The following SPOCK1 variants were observed in gnomAD, a reference collection of about 807,000 sequenced individuals.
The protein encoded by SPOCK1 is testican-1.
A neutral mutation model predicts 55.3 loss-of-function variants in SPOCK1; 23 were observed. That is an observed-to-expected ratio of 0.42 (90% confidence interval 0.30 to 0.59). The LOEUF is 0.59. Ranked by LOEUF, SPOCK1 falls within the 20% of genes least tolerant of loss-of-function variation. The probability of loss-of-function intolerance (pLI) is 0.22; values close to 1 mark genes in which losing one functional copy is unlikely to be tolerated. For missense variants in SPOCK1, 499 were observed against 552.5 expected (o/e 0.90, Z 0.97); for synonymous variants, 226 against 221.0 (o/e 1.02, Z -0.20).
intron 2 of SPOCK1, among the ~76,000 whole-genome samples, chr5:137,412,957 C>G (rs1752240201): frequency 6.6e-6 from 1 of 151,424 alleles, no homozygotes; most frequent in Non-Finnish European, 1.5e-5. Context: ...ACAGAGAAAG[C>G]TGTCCCAAAT....
intron 2 of SPOCK1, among the ~76,000 whole-genome samples, chr5:137,281,576 C>A (rs1757166523): frequency 6.6e-6 from 1 of 152,230 alleles, no homozygotes; most frequent in Non-Finnish European, 1.5e-5. Flanking sequence ...AACACATAGC[C>A]CATGGCCCAT....
chr5:137,201,316 T>C (rs1755421536), intron 3 of SPOCK1, among the ~76,000 whole-genome samples: 1 of 152,214 alleles, frequency 6.6e-6, no homozygotes, highest in African/African-American at 2.4e-5. Flanking sequence ...ATGAATCCAC[T>C]ACAAAACTCT....
chr5:137,368,518 C>T (rs1003842238), intron 2 of SPOCK1, among the ~76,000 whole-genome samples: 1 of 152,184 alleles, frequency 6.6e-6, no homozygotes, highest in African/African-American at 2.4e-5. Flanking sequence ...TGCAAAGGCC[C>T]TGTGCAGCCC....
At chr5:137,204,794 C>T (rs542685014) in intron 3 of SPOCK1, among the ~76,000 whole-genome samples, 64 of 152,170 alleles carry the variant, frequency 4.2e-4, no homozygotes, top group Admixed American at 9.2e-4. Context: ...AATTGACCTC[C>T]ACTGACCCCT....
chr5:137,012,672 TG>T (rs1036550929), intron 6 of SPOCK1, among the ~76,000 whole-genome samples: 2 of 152,200 alleles, frequency 1.3e-5, no homozygotes, highest in African/African-American at 4.8e-5. Context: ...ATGTTTCTGA[TG>T]GTCCAAGAGC....
At chr5:137,388,715 G>A (rs893626213) in intron 2 of SPOCK1, among the ~76,000 whole-genome samples, 3 of 152,146 alleles carry the variant, frequency 2.0e-5, no homozygotes, top group Non-Finnish European at 4.4e-5. Context: ...ACATCACACC[G>A]AACTAGAAGC....
At chr5:137,408,002 C>A (rs1456546222) in intron 2 of SPOCK1, among the ~76,000 whole-genome samples, 1 of 152,028 alleles carries the variant, frequency 6.6e-6, no homozygotes, top group African/African-American at 2.4e-5. Context: ...GCAGCCCCTG[C>A]AACAGACCAA....
intron 5 of SPOCK1, among the ~76,000 whole-genome samples, chr5:137,103,163 G>A (rs901775752): frequency 6.6e-6 from 1 of 152,004 alleles, no homozygotes; most frequent in African/African-American, 2.4e-5. Flanking sequence ...GCTGACTTTT[G>A]TATTTTTAGT....
intron 6 of SPOCK1, among the ~76,000 whole-genome samples, chr5:137,061,527 A>G (rs868097346): frequency 7.9e-5 from 12 of 152,054 alleles, no homozygotes; most frequent in African/African-American, 1.9e-4. Context: ...TGTTGGAAAA[A>G]CTTGCAGTTC....
intron 3 of SPOCK1, among the ~76,000 whole-genome samples, chr5:137,159,845 C>T (rs921656541): frequency 3.3e-5 from 5 of 152,170 alleles, no homozygotes; most frequent in African/African-American, 1.2e-4. Context: ...ACTTCCTCCA[C>T]TGAAGTCTTG....
chr5:137,478,505 C>G (rs144909658), intron 2 of SPOCK1, among the ~76,000 whole-genome samples: 1 of 151,978 alleles, frequency 6.6e-6, no homozygotes, highest in Admixed American at 6.6e-5. Flanking sequence ...ACTTTAAATG[C>G]AACATAAACT....
intron 2 of SPOCK1, among the ~76,000 whole-genome samples, chr5:137,438,767 G>T (rs1353425484): frequency 6.6e-6 from 1 of 152,156 alleles, no homozygotes; most frequent in Non-Finnish European, 1.5e-5. Context: ...AAATGAACTG[G>T]CAGGCAGGCT....
intron 2 of SPOCK1, among the ~76,000 whole-genome samples, chr5:137,356,472 C>G (rs1173472420): frequency 6.6e-6 from 1 of 151,672 alleles, no homozygotes; most frequent in Non-Finnish European, 1.5e-5. Flanking sequence ...TTGCCAGGAA[C>G]CCAAGCAGAT....
intron 2 of SPOCK1, among the ~76,000 whole-genome samples, chr5:137,286,860 A>C (rs1757276977): frequency 6.6e-6 from 1 of 152,228 alleles, no homozygotes; most frequent in Non-Finnish European, 1.5e-5. Flanking sequence ...TTATCTCAAA[A>C]GGTAACAGTG....
chr5:137,262,227 C>T (rs1756754887), intron 3 of SPOCK1, among the ~76,000 whole-genome samples: 1 of 152,178 alleles, frequency 6.6e-6, no homozygotes, highest in African/African-American at 2.4e-5. Context: ...CCCCTCCAGA[C>T]CCTCATCAAG....
intron 3 of SPOCK1, among the ~76,000 whole-genome samples, chr5:137,219,270 G>C (rs1236606143): frequency 1.3e-5 from 2 of 152,162 alleles, no homozygotes; most frequent in Non-Finnish European, 2.9e-5. Flanking sequence ...CAGGATTCTG[G>C]CAGTGGGTGT....
At chr5:137,442,924 A>T (rs1561537004) in intron 2 of SPOCK1, among the ~76,000 whole-genome samples, 1 of 152,212 alleles carries the variant, frequency 6.6e-6, no homozygotes, top group Non-Finnish European at 1.5e-5. Flanking sequence ...TGGGGCCAAC[A>T]GAGAAATGAG....
At chr5:137,169,043 GCAA>G (rs1754699888) in intron 3 of SPOCK1, among the ~76,000 whole-genome samples, 2 of 152,172 alleles carry the variant, frequency 1.3e-5, no homozygotes, top group African/African-American at 4.8e-5. Flanking sequence ...CTTGTCATTT[GCAA>G]CAACAAGGAT....
intron 3 of SPOCK1, among the ~76,000 whole-genome samples, chr5:137,235,018 G>A (rs921271396): frequency 2.0e-5 from 3 of 152,170 alleles, no homozygotes; most frequent in Admixed American, 2.0e-4. Context: ...GTACTGCTAC[G>A]GAAGTGACAA....
Sources: gnomAD v4.1 joint callset for allele counts (sites outside exome capture counted in the v4.1 genomes callset) on GRCh38, gnomAD v4.1.1 for gene constraint, MANE v1.5 for transcripts, NCBI Gene and HGNC (gene_info 2026-07-23, HGNC 2026-07-21) for gene names.